PCDHGA3: variants seen among roughly 807,000 people sequenced by gnomAD.
The protein encoded by PCDHGA3 is protocadherin gamma-A3.
In PCDHGA3, 40 loss-of-function variants were observed where a neutral mutation model predicts 58.5. That is an observed-to-expected ratio of 0.68 (90% CI 0.53 to 0.89). The LOEUF (loss-of-function observed/expected upper bound fraction) is 0.89, where lower values mean the gene tolerates loss of function less well. Ranked by LOEUF, PCDHGA3 falls within the 40% of genes least tolerant of loss-of-function variation. The pLI is 0.00. For missense variants in PCDHGA3, 1,223 were observed against 1,195.9 expected, an observed-to-expected ratio of 1.02 and a Z score of -0.33; for synonymous variants, 530 against 525.7, an observed-to-expected ratio of 1.01 and a Z score of -0.11.
chr5:141,435,104 G>A (rs1009839042), intron 1 of PCDHGA3, among the ~76,000 whole-genome samples: 1 of 151,968 alleles, frequency 6.6e-6, no homozygotes, highest in Non-Finnish European at 1.5e-5. Flanking sequence ...TTATCTAGGG[G>A]GGAGAAATCT....
At chr5:141,372,324 G>C in intron 1 of PCDHGA3, 2 of 1,613,704 alleles carry the variant, frequency 1.2e-6, no homozygotes, top group South Asian at 2.2e-5. Context: ...GCGCCTGCTG[G>C]TCACTGTGCG....
At chr5:141,497,203 G>C (rs750138875) in intron 2 of PCDHGA3, among the ~76,000 whole-genome samples, 3 of 91,718 alleles carry the variant, frequency 3.3e-5, no homozygotes, top group African/African-American at 2.8e-4. Flanking sequence ...AACAATGTGA[G>C]TGTAATGGGG....
intron 1 of PCDHGA3, chr5:141,361,945 C>T (rs1762247268): frequency 6.2e-7 from 1 of 1,604,808 alleles, no homozygotes; most frequent in African/African-American, 1.3e-5. Flanking sequence ...CAACGCTTGG[C>T]TGTCCTACCA....
chr5:141,379,766 C>G (rs1325223169), intron 1 of PCDHGA3: 1 of 151,638 alleles, frequency 6.6e-6, no homozygotes, highest in Admixed American at 6.6e-5. Context: ...ACCTGCAATA[C>G]AGATCATTAA....
intron 1 of PCDHGA3, among the ~76,000 whole-genome samples, chr5:141,368,447 C>T (rs1257309487): frequency 1.3e-5 from 2 of 152,048 alleles, no homozygotes; most frequent in African/African-American, 4.8e-5. Flanking sequence ...AATGTACAAA[C>T]TCACCGAATA....
At chr5:141,365,608 C>T in intron 1 of PCDHGA3, 11 of 1,613,576 alleles carry the variant, frequency 6.8e-6, no homozygotes, top group Non-Finnish European at 9.3e-6. Flanking sequence ...CCGTCATGGA[C>T]CATGGAACCC....
In PCDHGA3 at chr5:141,398,596, G is replaced by A. The variant is rs201846904; in HGVS notation, c.2424+52139G>A. 1,173 of 1,614,034 alleles carry A rather than the reference G, an allele frequency of 7.3e-4. 1 individual carries two copies. Among genetic ancestry groups the A allele is most frequent in the Non-Finnish European group, 9.3e-4 (1,101 of 1,179,898 alleles). ...TGGCACAAGATTTATACTAGAAGTA[G>A]CAGAAGATGCAGATATTGGCTTAAA... is the stretch of plus-strand genomic sequence containing the variant. On this transcript the variant is annotated intron_variant, in intron 1 of 3. Transcript: ENST00000253812.
intron 1 of PCDHGA3, among the ~76,000 whole-genome samples, chr5:141,370,010 T>A (rs1325355528): frequency 6.6e-6 from 1 of 152,172 alleles, no homozygotes; most frequent in African/African-American, 2.4e-5. Context: ...TTAAAAGAAA[T>A]AACAGACTAA....
chr5:141,439,131 T>A (rs2098090046), intron 1 of PCDHGA3, among the ~76,000 whole-genome samples: 1 of 150,502 alleles, frequency 6.6e-6, no homozygotes, highest in Non-Finnish European at 1.5e-5. Flanking sequence ...AGACAGAGGT[T>A]GCAGTGAGCT....
chr5:141,375,903 G>A lies in PCDHGA3; in HGVS notation c.2424+29446G>A, dbSNP rs535123838. ...GGCCAGAACGCCTGGCTGTCCTACC[G>A]CCTGCTCAAGGCCAGCGAGCCAGGA... On this transcript the variant is annotated intron_variant, in intron 1 of 3. Transcript: ENST00000253812. 54 of 1,613,696 alleles carry A rather than the reference G, an allele frequency of 3.3e-5. No individual in the cohort carries two copies. In the South Asian group the frequency reaches 5.6e-4, roughly 17 times the overall value.
At chr5:141,418,603 G>A (rs769167342) in intron 1 of PCDHGA3, 7 of 1,613,902 alleles carry the variant, frequency 4.3e-6, no homozygotes, top group East Asian at 4.5e-5. Context: ...ACGTGTACAG[G>A]GTTAGCCTTC....
chr5:141,462,051 G>A (rs1370612703), intron 1 of PCDHGA3, among the ~76,000 whole-genome samples: 2 of 152,068 alleles, frequency 1.3e-5, no homozygotes, highest in African/African-American at 4.8e-5. Context: ...TTGAACTCCC[G>A]ACCTCAGGTG....
intron 1 of PCDHGA3, chr5:141,398,003 A>C: frequency 1.4e-6 from 2 of 1,391,912 alleles, no homozygotes; most frequent in East Asian, 5.0e-5. Context: ...TCCTCGGAAA[A>C]AGAATCGTTT....
chr5:141,414,408 C>A (rs1190630924), intron 1 of PCDHGA3: 1 of 1,613,752 alleles, frequency 6.2e-7, no homozygotes, highest in Non-Finnish European at 8.5e-7. Context: ...TGGTGATACA[C>A]AGAGCCCTTG....
At chr5:141,507,842 C>CT (rs2099864170) in intron 3 of PCDHGA3, among the ~76,000 whole-genome samples, 1 of 152,230 alleles carries the variant, frequency 6.6e-6, no homozygotes, top group Admixed American at 6.5e-5. Flanking sequence ...GGGTCAGGCC[C>CT]TGCTCTCACT....
At chr5:141,376,521 C>T (rs567480751) in intron 1 of PCDHGA3, 5 of 1,613,810 alleles carry the variant, frequency 3.1e-6, no homozygotes, top group East Asian at 4.5e-5. Context: ...AGTTTCTTTC[C>T]GCCTAAGCGG....
At chr5:141,356,880 T>C in intron 1 of PCDHGA3, 3 of 1,614,204 alleles carry the variant, frequency 1.9e-6, no homozygotes, top group Non-Finnish European at 8.5e-7. Flanking sequence ...ACAATGTCCC[T>C]GAGATCCTGT....
chr5:141,476,979 G>A lies in PCDHGA3; in HGVS notation c.2425-17828G>A, dbSNP rs772801536. On this transcript the variant is annotated intron_variant, in intron 1 of 3. Coordinates refer to ENST00000253812, the MANE Select transcript of PCDHGA3 (RefSeq NM_018916.4). The surrounding 1 kb of genome is among the most constrained non-coding windows in gnomAD (Gnocchi z 7.6). ...ATTTACTCCTTCGGCAGCCACAACC[G>A]CGCCGGCGTGCGGCAACTATTCGCC... The A allele has an allele frequency of 1.9e-6, 3 of 1,614,238 alleles. No homozygotes were observed. The South Asian group carries it at 3.3e-5, about 18-fold the overall frequency.
intron 1 of PCDHGA3, chr5:141,404,674 T>C: frequency 1.9e-6 from 3 of 1,614,176 alleles, no homozygotes; most frequent in East Asian, 2.2e-5. Context: ...GTTCTACTGG[T>C]GTGGAGCTGG....
Sources: allele counts gnomAD v4.1 joint callset (sites outside exome capture counted in the v4.1 genomes callset), GRCh38; gene constraint gnomAD v4.1.1; non-coding constraint Gnocchi (gnomAD v3.1); transcripts MANE v1.5; gene names NCBI Gene and HGNC (gene_info 2026-07-23, HGNC 2026-07-21).